The following PCDHGB4 variants were observed in gnomAD, a reference collection of about 807,000 sequenced individuals.
PCDHGB4 encodes protocadherin gamma subfamily B, 4.
Under a neutral mutation model 60.5 loss-of-function variants are expected in PCDHGB4, and 38 were observed. That is an observed-to-expected ratio of 0.63 (90% CI 0.48 to 0.82). The LOEUF is 0.82. Ranked by LOEUF, PCDHGB4 falls within the 40% of genes least tolerant of loss-of-function variation. The pLI, the probability that PCDHGB4 is intolerant of heterozygous loss-of-function variation, is 0.00. For synonymous variants in PCDHGB4, 456 were observed against 509.7 expected (o/e 0.89, Z 1.42); for missense variants, 1,109 against 1,209.6 (o/e 0.92, Z 1.23).
At chr5:141,395,351 G>A (rs2093220052) in intron 1 of PCDHGB4, 1 of 1,366,364 alleles carries the variant, frequency 7.3e-7, no homozygotes, top group East Asian at 2.5e-5. Context: ...GTGTATCACA[G>A]AGTTTTGGGT....
At chr5:141,395,134 A>G (rs1468654358) in intron 1 of PCDHGB4, 7 of 1,614,062 alleles carry the variant, frequency 4.3e-6, no homozygotes, top group Middle Eastern at 1.6e-4. Flanking sequence ...CCCCAGCCCA[A>G]CTACGCAGAC....
At position 141,432,374 on chromosome 5, in the gene PCDHGB4, C is replaced by G; in HGVS notation, c.2397+42093C>G. The G allele has an allele frequency of 6.2e-7, 1 of 1,614,240 alleles. No individual in the cohort carries two copies. The highest frequency in any genetic ancestry group is 1.1e-5 in the South Asian group (1 of 91,082). ...GAAAGTGATGGCGCGGGACAACGGG[C>G]ACCCGCCCCTCAGCAGCAACGTGTC... On this transcript the variant is annotated intron_variant, in intron 1 of 3. Transcript: ENST00000519479. The surrounding 1 kb of genome is among the most constrained non-coding windows in gnomAD (Gnocchi z 6.0).
chr5:141,487,813 TG>T lies in PCDHGB4; in HGVS notation c.2398-6989del. 7.2e-7 allele frequency: 1 copy of T among 1,384,138 alleles called. No homozygotes were observed. 85.7% of individuals were successfully genotyped at this position (1,384,138 alleles called of 1,614,324 possible). A position where few individuals can be genotyped will look rare whatever the true frequency, so the allele number is the denominator to read the frequency against. On this transcript the variant is annotated intron_variant, in intron 1 of 3. Transcript: ENST00000519479. This position sits in a 1 kb window ranked among gnomAD's most constrained non-coding sequence, Gnocchi z 5.0. Reference sequence around the variant, plus strand: ...AACCAGAGTTGTCACAGTTTAGCATTGGGGGCGGGTCATGCCTATATCTGAG... The same window carrying T: ...AACCAGAGTTGTCACAGTTTAGCATTGGGGCGGGTCATGCCTATATCTGAG...
At chr5:141,450,831 T>TATA (rs761717068) in intron 1 of PCDHGB4, among the ~76,000 whole-genome samples, 3 of 144,648 alleles carry the variant, frequency 2.1e-5, no homozygotes, top group Non-Finnish European at 4.5e-5. Flanking sequence ...TTATTATTAT[T>TATA]TTTTTTTTTT....
intron 1 of PCDHGB4, among the ~76,000 whole-genome samples, chr5:141,444,152 ATTTTTTTTTTTTTTTTTT>A (rs747671382): frequency 4.1e-4 from 14 of 33,898 alleles, no homozygotes; most frequent in South Asian, 2.1e-3. Flanking sequence ...TGTGTACTGG[ATTTTTTTTTTTTTTTTTT>A]TTTTTTTTTT....
chr5:141,435,396 G>A (rs562717014), intron 1 of PCDHGB4, among the ~76,000 whole-genome samples: 46 of 152,096 alleles, frequency 3.0e-4, no homozygotes, highest in African/African-American at 9.4e-4. Context: ...TTGCCATGAC[G>A]AAAAATGGTA....
At chr5:141,402,162 A>T (rs2150923142) in intron 1 of PCDHGB4, among the ~76,000 whole-genome samples, 1 of 152,306 alleles carries the variant, frequency 6.6e-6, no homozygotes, top group East Asian at 1.9e-4. Context: ...TTAGGCGAGA[A>T]CATCTGTAAC....
At chr5:141,510,404 G>T (rs1596286932) in intron 3 of PCDHGB4, among the ~76,000 whole-genome samples, 2 of 152,252 alleles carry the variant, frequency 1.3e-5, no homozygotes, top group East Asian at 3.9e-4. Context: ...AAAGGCTAGG[G>T]GCATGTAAAG....
In PCDHGB4 at chr5:141,476,606, G is replaced by A; in HGVS notation, c.2398-18201G>A. 1 of 1,614,244 alleles carries A rather than the reference G, an allele frequency of 6.2e-7. No homozygotes were observed. Among genetic ancestry groups the A allele is most frequent in the Non-Finnish European group, 8.5e-7 (1 of 1,180,046 alleles). Reference sequence around the variant, plus strand: ...GCTCGAGAGCGCGCACGATCCCGATGTGGGAAGCAACTCTTTACAAACCTA... The same window carrying A: ...GCTCGAGAGCGCGCACGATCCCGATATGGGAAGCAACTCTTTACAAACCTA... On this transcript the variant is annotated intron_variant, in intron 1 of 3. Transcript: ENST00000519479. The surrounding 1 kb of genome is among the most constrained non-coding windows in gnomAD (Gnocchi z 7.6).
chr5:141,489,951 T>C lies in PCDHGB4; in HGVS notation c.2398-4856T>C. On this transcript the variant is annotated intron_variant, in intron 1 of 3. Coordinates refer to ENST00000519479, the MANE Select transcript of PCDHGB4 (RefSeq NM_003736.4). The surrounding 1 kb of genome is among the most constrained non-coding windows in gnomAD (Gnocchi z 4.5). ...CTGTCATCGTGCTGGACATCAATGATAATGCTCCAACCTTCCAATCCTCAG... is the reference window on the plus strand; with the variant it reads ...CTGTCATCGTGCTGGACATCAATGACAATGCTCCAACCTTCCAATCCTCAG... 6.2e-7 allele frequency: 1 copy of C among 1,614,210 alleles called. No homozygotes were observed. Among genetic ancestry groups the C allele is most frequent in the Non-Finnish European group, 8.5e-7 (1 of 1,180,032 alleles).
intron 1 of PCDHGB4, among the ~76,000 whole-genome samples, chr5:141,439,662 G>A (rs2098125902): frequency 6.6e-6 from 1 of 152,150 alleles, no homozygotes; most frequent in South Asian, 2.1e-4. Flanking sequence ...TAATTTCATG[G>A]AATGCAAATC....
chr5:141,473,784 G>A (rs1457988232), intron 1 of PCDHGB4, among the ~76,000 whole-genome samples: 1 of 152,226 alleles, frequency 6.6e-6, no homozygotes, highest in Non-Finnish European at 1.5e-5. Flanking sequence ...TTTAATTCAA[G>A]AGCAGTATGA....
intron 1 of PCDHGB4, chr5:141,441,780 C>A: frequency 2.6e-6 from 1 of 391,236 alleles, no homozygotes. Flanking sequence ...GGTGGACGAC[C>A]TGAATGACAA....
intron 1 of PCDHGB4, chr5:141,478,367 C>T (rs2099451272): frequency 1.2e-6 from 2 of 1,613,750 alleles, no homozygotes; most frequent in South Asian, 2.2e-5. Context: ...GCGGGGAGGC[C>T]TGATGTCGCC....
chr5:141,512,241 G>A lies in PCDHGB4; in HGVS notation c.*1068G>A, dbSNP rs533051658. On this transcript the variant is annotated 3_prime_UTR_variant, in exon 4 of 4. Coordinates refer to ENST00000519479, the MANE Select transcript of PCDHGB4 (RefSeq NM_003736.4). ...CCAGGTCCCCTTGAGAGGTCAGAGGGGCCTCTGTGGGTGCTGGGTACTCCA... is the reference window on the plus strand; with the variant it reads ...CCAGGTCCCCTTGAGAGGTCAGAGGAGCCTCTGTGGGTGCTGGGTACTCCA... 1 of 152,866 alleles carries A rather than the reference G, an allele frequency of 6.5e-6. No individual in the cohort carries two copies. The highest frequency in any genetic ancestry group is 2.1e-4 in the South Asian group (1 of 4,824). 9.5% of individuals were successfully genotyped at this position (152,866 alleles called of 1,614,324 possible).
rs186490614 is a variant in PCDHGB4 at position 141,415,986 on chromosome 5, T to A, written c.2397+25705T>A. 2.6e-4 allele frequency: 85 copies of A among 328,664 alleles called. 1 individual carries two copies. The highest frequency in any genetic ancestry group is 1.7e-3 in the African/African-American group (80 of 46,398). 20.4% of individuals were successfully genotyped at this position (328,664 alleles called of 1,614,324 possible). On this transcript the variant is annotated intron_variant, in intron 1 of 3. Transcript: ENST00000519479. ...CCAGCCCCTTAAGCAACCCTCTTGT[T>A]CTGAAGGCAGGTCTGGTAAGAATAG...
In PCDHGB4 at chr5:141,409,983, T is replaced by C. The variant is rs1481655663; in HGVS notation, c.2397+19702T>C. The C allele has an allele frequency of 1.2e-6, 2 of 1,613,160 alleles. No individual in the cohort carries two copies. Among genetic ancestry groups the C allele is most frequent in the African/African-American group, 2.7e-5 (2 of 74,914 alleles). On this transcript the variant is annotated intron_variant, in intron 1 of 3. Coordinates refer to ENST00000519479, the MANE Select transcript of PCDHGB4 (RefSeq NM_003736.4). ...TACCTAGTGACTAAGGTGGTAGCGG[T>C]GGACGCCGACTCGGGACACAACGCC... is the stretch of plus-strand genomic sequence containing the variant.
intron 1 of PCDHGB4, among the ~76,000 whole-genome samples, chr5:141,458,871 T>C (rs2098955493): frequency 6.6e-6 from 1 of 152,210 alleles, no homozygotes; most frequent in African/African-American, 2.4e-5. Flanking sequence ...TAGCTGGGAC[T>C]ACAGGCATGC....
chr5:141,424,084 A>G, intron 1 of PCDHGB4: 1 of 929,764 alleles, frequency 1.1e-6, no homozygotes, highest in Non-Finnish European at 1.3e-6. Context: ...ATATTCCACC[A>G]TTATTTGCTA....
Sources: gnomAD v4.1 joint callset for allele counts (sites outside exome capture counted in the v4.1 genomes callset) on GRCh38, gnomAD v4.1.1 for gene constraint, Gnocchi (gnomAD v3.1) non-coding constraint, MANE v1.5 for transcripts, NCBI Gene and HGNC (gene_info 2026-07-23, HGNC 2026-07-21) for gene names.